The following SMOC2 variants were observed in gnomAD, a reference collection of about 807,000 sequenced individuals.
SMOC2 encodes SPARC-related modular calcium-binding protein 2.
SMOC2 carries 39 observed loss-of-function variants against 61.4 expected under a neutral mutation model. That is an observed-to-expected ratio of 0.64 (90% CI 0.49 to 0.83). SMOC2 has a LOEUF of 0.83. Ranked by LOEUF, SMOC2 falls within the 40% of genes least tolerant of loss-of-function variation. The pLI is 0.00. For synonymous variants in SMOC2, 247 were observed against 239.9 expected (o/e 1.03, Z -0.27); for missense variants, 556 against 592.9 (o/e 0.94, Z 0.65).
chr6:168,638,054 G>GCCCTGC (rs1480787715), intron 9 of SMOC2, among the ~76,000 whole-genome samples: 2 of 146,694 alleles, frequency 1.4e-5, no homozygotes, highest in Non-Finnish European at 3.0e-5. Context: ...GCCAGTCCCT[G>GCCCTGC]CCCTGCCCCT....
intron 7 of SMOC2, among the ~76,000 whole-genome samples, chr6:168,598,103 T>G (rs2115183666): frequency 6.6e-6 from 1 of 152,364 alleles, no homozygotes; most frequent in East Asian, 1.9e-4. Context: ...TACCTCTCAT[T>G]ATTATTCTTT....
At chr6:168,537,417 G>C (rs149317946) in intron 4 of SMOC2, among the ~76,000 whole-genome samples, 84 of 152,206 alleles carry the variant, frequency 5.5e-4, no homozygotes, top group African/African-American at 1.9e-3. Context: ...ACAGCACTCT[G>C]CAGGCTGTGA....
chr6:168,526,573 G>A, intron 3 of SMOC2, 121 bp downstream of exon 3: 1 of 736,816 alleles, frequency 1.4e-6, no homozygotes, highest in Non-Finnish European at 2.3e-6. Flanking sequence ...TTGTTCTCTG[G>A]GGAAATCAGC....
chr6:168,520,147 C>T (rs373738172), intron 2 of SMOC2, among the ~76,000 whole-genome samples: 11 of 152,156 alleles, frequency 7.2e-5, no homozygotes, highest in South Asian at 4.1e-4. Context: ...GGGTTGGGGG[C>T]GCTTATCACA....
At chr6:168,441,581 C>A in intron 1 of SMOC2, 127 bp downstream of exon 1, 1 of 1,277,112 alleles carries the variant, frequency 7.8e-7, no homozygotes, top group Non-Finnish European at 1.0e-6. Context: ...CCCCGGGGGC[C>A]GTGGAGCCTT....
intron 9 of SMOC2, among the ~76,000 whole-genome samples, chr6:168,620,205 C>T (rs1417292954): frequency 2.6e-5 from 4 of 152,138 alleles, no homozygotes; most frequent in South Asian, 2.1e-4. Context: ...CACTTGGAAG[C>T]GCTTATCTTC....
intron 1 of SMOC2, among the ~76,000 whole-genome samples, chr6:168,446,036 G>T (rs1781324563): frequency 6.6e-6 from 1 of 152,180 alleles, no homozygotes; most frequent in African/African-American, 2.4e-5. Context: ...TTGGTTTGGA[G>T]GTCAAGGGTA....
At chr6:168,525,620 A>T (rs1783435609) in intron 2 of SMOC2, among the ~76,000 whole-genome samples, 1 of 152,130 alleles carries the variant, frequency 6.6e-6, no homozygotes, top group African/African-American at 2.4e-5. Flanking sequence ...GCCTTCTGTG[A>T]AATCTGTGTT....
At chr6:168,594,990 C>CGAG (rs370412824) in intron 7 of SMOC2, among the ~76,000 whole-genome samples, 117 of 29,534 alleles carry the variant, frequency 4.0e-3, no homozygotes, top group African/African-American at 4.9e-3. Context: ...TGAGGCCTCA[C>CGAG]GGGCATCTTT....
At chr6:168,527,606 C>A in intron 3 of SMOC2, 22 bp from the exon 4 acceptor site, 2 of 1,537,374 alleles carry the variant, frequency 1.3e-6, no homozygotes, top group Non-Finnish European at 8.8e-7. Flanking sequence ...GGAGGGCTTA[C>A]CCGTCCTGTG....
chr6:168,608,082 A>G, intron 8 of SMOC2, 75 bp from the exon 9 acceptor site: 1 of 1,401,432 alleles, frequency 7.1e-7, no homozygotes. Flanking sequence ...ACACTCCAGA[A>G]ATGGAAGACA....
At chr6:168,599,676 ACACACTCT>A (rs1291873755) in intron 8 of SMOC2, among the ~76,000 whole-genome samples, 1,311 of 109,134 alleles carry the variant, frequency 0.012, 11 homozygotes, top group Middle Eastern at 0.052. Context: ...ACACTCCCCT[ACACACTCT>A]CACACTCTCA....
chr6:168,665,787 G>A (rs965622746), intron 12 of SMOC2, among the ~76,000 whole-genome samples: 1 of 152,124 alleles, frequency 6.6e-6, no homozygotes, highest in African/African-American at 2.4e-5. Context: ...GGGAATAAAA[G>A]CCAACCCAGA....
intron 1 of SMOC2, among the ~76,000 whole-genome samples, chr6:168,485,436 C>T (rs561921355): frequency 1.3e-5 from 2 of 152,222 alleles, no homozygotes; most frequent in South Asian, 4.1e-4. Flanking sequence ...ATTCATCAGC[C>T]AGTGAATGAA....
chr6:168,505,694 T>C (rs191068616), intron 1 of SMOC2, among the ~76,000 whole-genome samples: 4 of 152,364 alleles, frequency 2.6e-5, no homozygotes, highest in African/African-American at 9.6e-5. Flanking sequence ...TGAAACAGGA[T>C]TTCCATATTT....
At chr6:168,442,191 C>A (rs956289646) in intron 1 of SMOC2, among the ~76,000 whole-genome samples, 2 of 152,272 alleles carry the variant, frequency 1.3e-5, no homozygotes, top group Admixed American at 6.5e-5. Flanking sequence ...GGCGGCGGCT[C>A]CCCGCTCTGC....
At chr6:168,451,519 C>T (rs1248421856) in intron 1 of SMOC2, among the ~76,000 whole-genome samples, 1 of 152,050 alleles carries the variant, frequency 6.6e-6, no homozygotes, top group Non-Finnish European at 1.5e-5. Context: ...TCTCTCTGTG[C>T]CCTGCAGACA....
chr6:168,608,132 TC>T, intron 8 of SMOC2, 24 bp from the exon 9 acceptor site: 3 of 1,594,796 alleles, frequency 1.9e-6, no homozygotes, highest in African/African-American at 1.4e-5. Context: ...TCTCTCTCCT[TC>T]CCCCGCCTTC....
chr6:168,653,530 T>C (rs1449988815), intron 11 of SMOC2, among the ~76,000 whole-genome samples: 1 of 152,214 alleles, frequency 6.6e-6, no homozygotes, highest in East Asian at 1.9e-4. Context: ...CTTCTGGTAT[T>C]TGAGGTGCAA....
Sources: gnomAD v4.1 joint callset for allele counts (sites outside exome capture counted in the v4.1 genomes callset) on GRCh38, gnomAD v4.1.1 for gene constraint, MANE v1.5 for transcripts, NCBI Gene and HGNC (gene_info 2026-07-23, HGNC 2026-07-21) for gene names.